Variants in CDYL2 observed in about 807,000 individuals in gnomAD.
The protein encoded by CDYL2 is chromodomain Y-like protein 2.
A neutral mutation model predicts 49.4 loss-of-function variants in CDYL2; 23 were observed. The observed-to-expected ratio is 0.47, with a 90% CI of 0.34 to 0.66. CDYL2 has a LOEUF of 0.66. Ranked by LOEUF, CDYL2 falls within the 30% of genes least tolerant of loss-of-function variation. The pLI, the probability that CDYL2 is intolerant of heterozygous loss-of-function variation, is 0.01. For synonymous variants in CDYL2, 360 were observed against 268.8 expected (o/e 1.34, Z -3.32); for missense variants, 678 against 656.4 (o/e 1.03, Z -0.36).
chr16:80,720,064 C>T (rs1482136836), intron 1 of CDYL2, among the ~76,000 whole-genome samples: 1 of 152,106 alleles, frequency 6.6e-6, no homozygotes. Flanking sequence ...CTTTAGTGGT[C>T]GAGCAAATAA....
chr16:80,777,108 C>A (rs1270201826), intron 1 of CDYL2, among the ~76,000 whole-genome samples: 1 of 152,094 alleles, frequency 6.6e-6, no homozygotes, highest in Non-Finnish European at 1.5e-5. Flanking sequence ...AGGCGTGAGT[C>A]ACCGTGCCCG....
At chr16:80,607,854 ATC>A (rs1398288533) in intron 6 of CDYL2, among the ~76,000 whole-genome samples, 2 of 152,222 alleles carry the variant, frequency 1.3e-5, no homozygotes, top group East Asian at 3.8e-4. Context: ...TAGAGTATCC[ATC>A]TCTCCTGTGA....
intron 1 of CDYL2, among the ~76,000 whole-genome samples, chr16:80,727,434 CT>C (rs1406087904): frequency 6.6e-6 from 1 of 152,244 alleles, no homozygotes; most frequent in African/African-American, 2.4e-5. Context: ...CCGCACATGG[CT>C]CGGAAGGTCC....
chr16:80,694,051 C>A (rs1475483250), intron 1 of CDYL2, among the ~76,000 whole-genome samples: 1 of 152,190 alleles, frequency 6.6e-6, no homozygotes, highest in Non-Finnish European at 1.5e-5. Context: ...ACCTTTTTGG[C>A]ACCAAGGACC....
rs751494194 is a variant in CDYL2, at chr16:80,620,814, C to T, written c.956G>A (p.Arg319Gln). The T allele has an allele frequency of 9.9e-6, 16 of 1,611,740 alleles. No homozygotes were observed. Among genetic ancestry groups the T allele is most frequent in the East Asian group, 4.5e-5 (2 of 44,746 alleles). The change falls in exon 4 of 7, where the codon CGG (arginine) becomes CAG (glutamine). Residue 319 changes from arginine (R) to glutamine (Q), a missense_variant. Coordinates refer to ENST00000570137, the MANE Select transcript of CDYL2 (RefSeq NM_152342.4). ...CTCCTTTCGCCGGTCGCTGGACAAC[C>T]GGCCAATTAGGTAGGAATAATCCAG... Reference protein sequence around the residue: ...SGLDYSYLIGRLSSDRRKEST... With the variant: ...SGLDYSYLIGQLSSDRRKEST...
chr16:80,779,597 C>A (rs1161549035), intron 1 of CDYL2, among the ~76,000 whole-genome samples: 2 of 150,496 alleles, frequency 1.3e-5, no homozygotes, highest in African/African-American at 2.4e-5. Flanking sequence ...CTGAAAATTT[C>A]AAAAAAAACC....
intron 1 of CDYL2, among the ~76,000 whole-genome samples, chr16:80,688,078 G>C (rs1910270172): frequency 1.3e-5 from 2 of 152,214 alleles, no homozygotes. Flanking sequence ...GTTAGCAAGG[G>C]TGCAGGGTCT....
chr16:80,696,117 T>A (rs1910604599), intron 1 of CDYL2, among the ~76,000 whole-genome samples: 1 of 152,062 alleles, frequency 6.6e-6, no homozygotes, highest in Non-Finnish European at 1.5e-5. Flanking sequence ...GTACAAATAA[T>A]CGAAATTAAG....
intron 1 of CDYL2, among the ~76,000 whole-genome samples, chr16:80,801,735 T>G (rs1386835373): frequency 1.3e-5 from 2 of 152,248 alleles, no homozygotes; most frequent in Non-Finnish European, 2.9e-5. Context: ...TATTCCAATA[T>G]TTTTCTTAAA....
upstream of CDYL2, among the ~76,000 whole-genome samples, chr16:80,804,892 T>C (rs1426747349): frequency 1.3e-5 from 2 of 151,074 alleles, no homozygotes; most frequent in African/African-American, 4.9e-5. Flanking sequence ...CGGCCCGGGG[T>C]CCCCACCTAC....
intron 1 of CDYL2, among the ~76,000 whole-genome samples, chr16:80,693,186 G>A (rs1452284936): frequency 1.3e-5 from 2 of 152,124 alleles, no homozygotes; most frequent in African/African-American, 2.4e-5. Flanking sequence ...ACTTTCTGGG[G>A]AAATGGAAAT....
chr16:80,802,464 T>A (rs1907955094), intron 1 of CDYL2, among the ~76,000 whole-genome samples: 1 of 152,228 alleles, frequency 6.6e-6, no homozygotes, highest in South Asian at 2.1e-4. Context: ...ATTTCAGAAA[T>A]TGTTCCACCA....
intron 2 of CDYL2, among the ~76,000 whole-genome samples, chr16:80,666,642 C>T (rs1414977563): frequency 6.6e-6 from 1 of 152,188 alleles, no homozygotes; most frequent in East Asian, 1.9e-4. Flanking sequence ...AGAGCCCTGA[C>T]AAAATACGGG....
At chr16:80,610,153 A>G (rs1205572342) in intron 5 of CDYL2, among the ~76,000 whole-genome samples, 1 of 152,224 alleles carries the variant, frequency 6.6e-6, no homozygotes, top group Non-Finnish European at 1.5e-5. Context: ...GACAATGCTT[A>G]TCAGCCTCAC....
At chr16:80,755,462 T>C (rs1287919056) in intron 1 of CDYL2, among the ~76,000 whole-genome samples, 5 of 152,170 alleles carry the variant, frequency 3.3e-5, no homozygotes, top group Non-Finnish European at 7.3e-5. Context: ...TCTGAATACC[T>C]ACAGCCAAGA....
chr16:80,633,220 G>C lies in CDYL2; in HGVS notation c.633C>G (p.Asn211Lys). The C allele has an allele frequency of 6.2e-7, 1 of 1,614,086 alleles. No homozygotes were observed. Among genetic ancestry groups the C allele is most frequent in the Non-Finnish European group, 8.5e-7 (1 of 1,179,970 alleles). ...CTGGACTGTGCAGGTTCAATCCCCC[G>C]TTGGTCAGAGCAGAGCCTTCCAAAA... ...AENGLGSALT[N>K]GGLNLHSPVK... Residue 211 changes from asparagine to lysine, a missense_variant, in exon 3 of 7, where the codon AAC becomes AAG. Physicochemically the swap from Asn to Lys is moderately conservative, Grantham distance 94. Coordinates refer to ENST00000570137, the MANE Select transcript of CDYL2 (RefSeq NM_152342.4).
chr16:80,677,059 C>T (rs1171101188), intron 2 of CDYL2, among the ~76,000 whole-genome samples: 4 of 150,434 alleles, frequency 2.7e-5, no homozygotes, highest in Non-Finnish European at 5.9e-5. Flanking sequence ...CAGCCTCCAC[C>T]TCCTGGGCTC....
intron 1 of CDYL2, among the ~76,000 whole-genome samples, chr16:80,797,093 C>T (rs972142659): frequency 6.6e-6 from 1 of 152,092 alleles, no homozygotes; most frequent in Non-Finnish European, 1.5e-5. Flanking sequence ...ATCACAAGAC[C>T]CCTCCTCATG....
At chr16:80,668,554 A>T (rs1018565032) in intron 2 of CDYL2, among the ~76,000 whole-genome samples, 1 of 151,938 alleles carries the variant, frequency 6.6e-6, no homozygotes, top group African/African-American at 2.4e-5. Context: ...GTCCCAAAAG[A>T]TCCATAAGGA....
Sources: gnomAD v4.1 joint callset for allele counts (sites outside exome capture counted in the v4.1 genomes callset) on GRCh38, gnomAD v4.1.1 for gene constraint, MANE v1.5 for transcripts, NCBI Gene and HGNC (gene_info 2026-07-23, HGNC 2026-07-21) for gene names.